CEP76: variants seen among roughly 807,000 people sequenced by gnomAD.
CEP76 encodes centrosomal protein of 76 kDa.
In CEP76, 55 loss-of-function variants were observed where a neutral mutation model predicts 83.3. The observed-to-expected ratio is 0.66, with a 90% CI of 0.53 to 0.83. The LOEUF is 0.83. CEP76 is among the 40% of genes least tolerant of loss of function. The probability of loss-of-function intolerance (pLI) is 0.00; values close to 1 mark genes in which losing one functional copy is unlikely to be tolerated. For synonymous variants in CEP76, 270 were observed against 274.5 expected, an observed-to-expected ratio of 0.98 and a Z score of 0.16; for missense variants, 694 against 799.5, an observed-to-expected ratio of 0.87 and a Z score of 1.59.
downstream of CEP76, among the ~76,000 whole-genome samples, chr18:12,669,791 G>A (rs1028993726): frequency 5.1e-4 from 76 of 149,916 alleles, no homozygotes; most frequent in African/African-American, 1.7e-3. Flanking sequence ...ACCTGAGGTC[G>A]GGAGTTTGAG....
At chr18:12,668,234 C>G (rs1003897550), downstream of CEP76, among the ~76,000 whole-genome samples, 7 of 151,950 alleles carry the variant, frequency 4.6e-5, no homozygotes, top group African/African-American at 1.7e-4. Context: ...CACTGCACTC[C>G]AGACTGGGCA....
At chr18:12,669,840 A>T (rs1374522915), downstream of CEP76, among the ~76,000 whole-genome samples, 3 of 151,476 alleles carry the variant, frequency 2.0e-5, no homozygotes, top group Non-Finnish European at 4.4e-5. Context: ...GTCTCTACTT[A>T]AAAAAAATTA....
intron 7 of CEP76, 128 bp downstream of exon 7, chr18:12,691,231 C>T: frequency 1.7e-6 from 1 of 584,452 alleles, no homozygotes; most frequent in Non-Finnish European, 2.8e-6. Context: ...ACAAAATCAG[C>T]ATTTTATTTT....
At chr18:12,695,963 G>A (rs1287542760) in intron 5 of CEP76, among the ~76,000 whole-genome samples, 1 of 151,896 alleles carries the variant, frequency 6.6e-6, no homozygotes, top group East Asian at 1.9e-4. Context: ...TACAGGCTGA[G>A]TAGAAATTTT....
chr18:12,668,067 C>T (rs976091704), downstream of CEP76, among the ~76,000 whole-genome samples: 2 of 151,922 alleles, frequency 1.3e-5, no homozygotes, highest in Admixed American at 6.6e-5. Flanking sequence ...GAGTTTGAAA[C>T]CAGCCTGGCC....
chr18:12,662,670 G>A (rs1255924095), intron 12 of CEP76, among the ~76,000 whole-genome samples: 4 of 152,168 alleles, frequency 2.6e-5, no homozygotes, highest in East Asian at 1.9e-4. Flanking sequence ...CCAGCTGCTC[G>A]GAAGGCTGAG....
intron 10 of CEP76, 118 bp from the exon 11 acceptor site, chr18:12,674,871 A>C (rs1053442388): frequency 1.3e-5 from 7 of 544,770 alleles, no homozygotes; most frequent in Non-Finnish European, 2.2e-5. Flanking sequence ...AAGCTATCAT[A>C]ATATTTTAAT....
intron 10 of CEP76, among the ~76,000 whole-genome samples, chr18:12,675,193 G>C (rs1048039389): frequency 6.6e-6 from 1 of 152,104 alleles, no homozygotes; most frequent in African/African-American, 2.4e-5. Flanking sequence ...TCAGGAGATT[G>C]AGACCATCCT....
At chr18:12,668,134 G>A (rs1207986647), downstream of CEP76, among the ~76,000 whole-genome samples, 1 of 151,688 alleles carries the variant, frequency 6.6e-6, no homozygotes, top group African/African-American at 2.4e-5. Context: ...ACATGTTGGT[G>A]CAGGCCTGTA....
chr18:12,666,748 C>CA lies in CEP76; in HGVS notation c.*1728-4580dup, dbSNP rs538321327. 1.9e-3 allele frequency among the ~76,000 whole-genome samples: 258 copies of CA among 134,722 alleles called. No individual in the cohort carries two copies. The Middle Eastern group carries it at 0.022, about 11-fold the overall frequency. 88.4% of individuals were successfully genotyped at this position (134,722 alleles called of 152,430 possible). On this transcript the variant is annotated intron_variant and NMD_transcript_variant, in intron 12 of 12. Coordinates refer to the CEP76 transcript ENST00000590143. ...ACAGGCTTCAGTCACCACACCCGGCCAAAAAAAAAAAAACTTTTGAATTGA... is the reference window on the plus strand; with the variant it reads ...ACAGGCTTCAGTCACCACACCCGGCCAAAAAAAAAAAAAACTTTTGAATTGA...
intron 10 of CEP76, among the ~76,000 whole-genome samples, chr18:12,676,555 G>A (rs1327309280): frequency 1.3e-5 from 2 of 152,006 alleles, no homozygotes; most frequent in Non-Finnish European, 2.9e-5. Context: ...GATTACAGGC[G>A]TGAGACACTG....
At chr18:12,684,531 A>T (rs919776376) in intron 8 of CEP76, 1 of 149,890 alleles carries the variant, frequency 6.7e-6, no homozygotes, top group Non-Finnish European at 1.5e-5. Flanking sequence ...CCCACACTGG[A>T]GTGCGATGGC....
intron 10 of CEP76, among the ~76,000 whole-genome samples, chr18:12,676,792 C>T (rs1356786958): frequency 1.3e-5 from 2 of 152,084 alleles, no homozygotes; most frequent in Non-Finnish European, 2.9e-5. Context: ...GATAAGTTGA[C>T]AAGTGAATAA....
chr18:12,690,646 G>A (rs944317090), intron 7 of CEP76, among the ~76,000 whole-genome samples: 3 of 152,010 alleles, frequency 2.0e-5, no homozygotes, highest in African/African-American at 7.2e-5. Flanking sequence ...TAGTAGAAAC[G>A]GGGTTTCACC....
intron 5 of CEP76, 102 bp downstream of exon 5, chr18:12,697,121 G>T: frequency 1.2e-6 from 1 of 824,490 alleles, no homozygotes; most frequent in Non-Finnish European, 1.8e-6. Context: ...CTATTTTACA[G>T]GTTTCCCTCT....
chr18:12,691,056 G>A (rs965933566), intron 7 of CEP76, among the ~76,000 whole-genome samples: 2 of 151,798 alleles, frequency 1.3e-5, no homozygotes, highest in African/African-American at 2.4e-5. Context: ...AAACAAAATG[G>A]ATTTTCATCT....
At chr18:12,693,789 C>G (rs1208035580) in intron 6 of CEP76, among the ~76,000 whole-genome samples, 2 of 151,912 alleles carry the variant, frequency 1.3e-5, no homozygotes, top group Non-Finnish European at 2.9e-5. Context: ...CTGAAAAAAA[C>G]AAACAAAAAA....
At chr18:12,688,918 T>C (rs1284395253) in intron 7 of CEP76, among the ~76,000 whole-genome samples, 1 of 151,960 alleles carries the variant, frequency 6.6e-6, no homozygotes, top group Non-Finnish European at 1.5e-5. Flanking sequence ...ATCGAGACCA[T>C]CCTGGCTAAC....
At chr18:12,701,596 C>G (rs1195981840) in intron 1 of CEP76, among the ~76,000 whole-genome samples, 1 of 152,132 alleles carries the variant, frequency 6.6e-6, no homozygotes, top group Admixed American at 6.6e-5. Context: ...ATTAAAGATA[C>G]TAGACAGCAC....
Sources: allele counts gnomAD v4.1 joint callset (sites outside exome capture counted in the v4.1 genomes callset), GRCh38; gene constraint gnomAD v4.1.1; transcripts MANE v1.5; gene names NCBI Gene and HGNC (gene_info 2026-07-23, HGNC 2026-07-21).